Variants in LRBA observed in about 807,000 individuals in gnomAD.
LRBA encodes the protein lipopolysaccharide-responsive and beige-like anchor protein.
In LRBA, 176 loss-of-function variants were observed where a neutral mutation model predicts 330.0. The ratio of observed to expected loss-of-function variants is 0.53; its 90% CI spans 0.47 to 0.60. The LOEUF is 0.60. LRBA is among the 20% of genes least tolerant of loss of function. The probability of loss-of-function intolerance (pLI) is 0.00; values close to 1 mark genes in which losing one functional copy is unlikely to be tolerated. For synonymous variants in LRBA, 1,230 were observed against 1,193.0 expected, an observed-to-expected ratio of 1.03 and a Z score of -0.64; for missense variants, 3,259 against 3,444.8, an observed-to-expected ratio of 0.95 and a Z score of 1.35.
At chr4:150,407,372 G>A (rs1228371246) in intron 47 of LRBA, among the ~76,000 whole-genome samples, 20 of 152,036 alleles carry the variant, frequency 1.3e-4, no homozygotes, top group Admixed American at 1.3e-3. Context: ...TAATAACAGA[G>A]CCCAAATATA....
intron 37 of LRBA, among the ~76,000 whole-genome samples, chr4:150,655,468 T>C (rs2126787318): frequency 6.6e-6 from 1 of 152,340 alleles, no homozygotes; most frequent in South Asian, 2.1e-4. Context: ...GACAGATTCC[T>C]AGAACTGGGG....
chr4:150,436,287 C>T (rs1304684076), intron 45 of LRBA, among the ~76,000 whole-genome samples: 1 of 152,150 alleles, frequency 6.6e-6, no homozygotes, highest in East Asian at 1.9e-4. Flanking sequence ...AATCACCTTT[C>T]AATTTCACAG....
chr4:150,411,667 G>A (rs956980683), intron 47 of LRBA, among the ~76,000 whole-genome samples: 6 of 152,144 alleles, frequency 3.9e-5, no homozygotes, highest in East Asian at 3.9e-4. Flanking sequence ...CCGAAGTATC[G>A]TCTGTAATAA....
At chr4:150,917,443 A>G (rs1732758465) in intron 5 of LRBA, among the ~76,000 whole-genome samples, 1 of 152,182 alleles carries the variant, frequency 6.6e-6, no homozygotes, top group African/African-American at 2.4e-5. Flanking sequence ...GAATGGAAAG[A>G]GAGAAGAGAA....
At chr4:150,775,486 C>CG (rs1465741351) in intron 34 of LRBA, among the ~76,000 whole-genome samples, 1 of 109,210 alleles carries the variant, frequency 9.2e-6, no homozygotes, top group African/African-American at 3.9e-5. Flanking sequence ...CACACACACA[C>CG]ACACACACAC....
intron 40 of LRBA, among the ~76,000 whole-genome samples, chr4:150,508,239 AAGGG>A (rs200248969): frequency 0.25 from 16,946 of 67,678 alleles, 1,340 homozygotes; most frequent in East Asian, 0.33. Context: ...TTTAAAAAAA[AAGGG>A]GGGGGGGGGG....
intron 36 of LRBA, among the ~76,000 whole-genome samples, chr4:150,703,387 T>C (rs1785301204): frequency 6.6e-6 from 1 of 152,228 alleles, no homozygotes; most frequent in African/African-American, 2.4e-5. Context: ...TAGCTGGATA[T>C]GGAAATCTTC....
In LRBA at chr4:150,321,457, G is replaced by A. The variant is rs1732508165; in HGVS notation, c.7453-89C>T. The A allele has an allele frequency of 3.5e-6, 4 of 1,155,518 alleles. No homozygotes were observed. Among genetic ancestry groups the A allele is most frequent in the Non-Finnish European group, 4.8e-6 (4 of 833,298 alleles). The allele number at this position is 1,155,518 out of a possible 1,614,324, so 71.6% of individuals were successfully genotyped here. A position where few individuals can be genotyped will look rare whatever the true frequency, so the allele number is the denominator to read the frequency against. On this transcript the variant is annotated intron_variant, in intron 49 of 56. Coordinates refer to ENST00000651943, the MANE Select transcript of LRBA (RefSeq NM_001364905.1). The surrounding 1 kb of genome is among the most constrained non-coding windows in gnomAD (Gnocchi z 4.5). ...AAGAAAGACAAGAAAGAGAGGGGGT[G>A]CAGGAAAAGAAGAGGAAGACCATAT...
At chr4:150,737,561 GAA>G (rs1412928456) in intron 35 of LRBA, among the ~76,000 whole-genome samples, 1 of 151,498 alleles carries the variant, frequency 6.6e-6, no homozygotes, top group East Asian at 1.9e-4. Context: ...AAGAGAGAGA[GAA>G]AGAAAAGCAT....
At chr4:150,388,774 T>C (rs1743454917) in intron 47 of LRBA, among the ~76,000 whole-genome samples, 1 of 152,162 alleles carries the variant, frequency 6.6e-6, no homozygotes. Flanking sequence ...AACCACTGTA[T>C]CTCAAGAGTT....
At chr4:150,738,623 G>A (rs1342160790) in intron 35 of LRBA, among the ~76,000 whole-genome samples, 3 of 152,084 alleles carry the variant, frequency 2.0e-5, no homozygotes, top group African/African-American at 4.8e-5. Context: ...AAAAAATACT[G>A]CAATCTAAAA....
At chr4:150,608,097 G>T (rs544014943) in intron 37 of LRBA, among the ~76,000 whole-genome samples, 36 of 152,206 alleles carry the variant, frequency 2.4e-4, no homozygotes, top group African/African-American at 7.2e-4. Context: ...TGTAGTCCCA[G>T]CTACTTGGGA....
chr4:151,014,122 G>GA (rs903788135), intron 2 of LRBA: 2,424 of 224,716 alleles, frequency 0.011, no homozygotes, highest in East Asian at 0.018. Flanking sequence ...TACAAGCCAA[G>GA]AAAAAAAAAA....
chr4:150,716,463 T>A (rs1264846857), intron 36 of LRBA, among the ~76,000 whole-genome samples: 17 of 152,330 alleles, frequency 1.1e-4, no homozygotes. Context: ...TTTACATCTA[T>A]AGTTATTTCA....
intron 47 of LRBA, among the ~76,000 whole-genome samples, chr4:150,411,396 T>A (rs749094838): frequency 6.6e-6 from 1 of 152,154 alleles, no homozygotes; most frequent in Non-Finnish European, 1.5e-5. Flanking sequence ...TACCCTATCC[T>A]CTTGAATTAA....
chr4:150,485,621 T>C (rs1321627636), intron 42 of LRBA, among the ~76,000 whole-genome samples: 1 of 151,624 alleles, frequency 6.6e-6, no homozygotes. Flanking sequence ...AAGAGAGGCA[T>C]CTAAAAACCA....
intron 40 of LRBA, chr4:150,579,832 G>T (rs1018006323): frequency 2.4e-5 from 10 of 410,310 alleles, no homozygotes; most frequent in African/African-American, 1.8e-4. Flanking sequence ...TCTCGGGAGC[G>T]TCGCGGGCCG....
Position 150,957,021 on chromosome 4 carries a change from CGT to C in LRBA, c.217-27958_217-27957del, listed in dbSNP as rs774370123. On this transcript the variant is annotated intron_variant, in intron 2 of 56. Transcript: ENST00000651943. ...AATATGTAATGTGTGTGAGTGTGTG[CGT>C]GTGTGTGTATGTGTAGTTTTATCAA... Among the ~76,000 whole-genome samples, 7 of 148,520 alleles carry C rather than the reference CGT, an allele frequency of 4.7e-5. 1 individual carries two copies. The highest frequency in any genetic ancestry group is 1.0e-4 in the African/African-American group (4 of 38,166).
At chr4:150,501,776 C>G (rs968655348) in intron 40 of LRBA, among the ~76,000 whole-genome samples, 1 of 151,998 alleles carries the variant, frequency 6.6e-6, no homozygotes, top group East Asian at 1.9e-4. Context: ...GTAACAGGGC[C>G]TGGATTTATC....
Sources: allele counts gnomAD v4.1 joint callset (sites outside exome capture counted in the v4.1 genomes callset), GRCh38; gene constraint gnomAD v4.1.1; non-coding constraint Gnocchi (gnomAD v3.1); transcripts MANE v1.5; gene names NCBI Gene and HGNC (gene_info 2026-07-23, HGNC 2026-07-21).